Variants in DPP10 observed in about 807,000 individuals in gnomAD.
The protein encoded by DPP10 is inactive dipeptidyl peptidase 10.
Under a neutral mutation model 120.9 loss-of-function variants are expected in DPP10, and 33 were observed. The ratio of observed to expected loss-of-function variants is 0.27; its 90% CI spans 0.21 to 0.37. The LOEUF is 0.37. Among genes scored for constraint, DPP10 ranks in the 10% least tolerant of loss-of-function variants. DPP10 has a pLI of 1.00. For synonymous variants in DPP10, 337 were observed against 326.1 expected (o/e 1.03, Z -0.36); for missense variants, 816 against 942.8 (o/e 0.87, Z 1.76).
chr2:114,960,869 T>C (rs77249633), intron 1 of DPP10, among the ~76,000 whole-genome samples: 3,154 of 152,160 alleles, frequency 0.021, 119 homozygotes, highest in African/African-American at 0.072. Context: ...CTGACCAATT[T>C]GTTTTGGTGG....
chr2:114,684,514 G>A (rs560305855), intron 1 of DPP10, among the ~76,000 whole-genome samples: 1 of 152,108 alleles, frequency 6.6e-6, no homozygotes, highest in East Asian at 1.9e-4. Context: ...TGTGCTAGTA[G>A]AATGGCTGCT....
intron 1 of DPP10, among the ~76,000 whole-genome samples, chr2:115,194,246 C>T (rs796126434): frequency 1.1e-4 from 16 of 151,680 alleles, no homozygotes; most frequent in East Asian, 1.9e-4. Flanking sequence ...TTTTTTGAGA[C>T]GGAGCTTCGC....
chr2:114,664,644 A>G (rs113064218), intron 1 of DPP10, among the ~76,000 whole-genome samples: 29,200 of 147,986 alleles, frequency 0.2, 6,237 homozygotes, highest in African/African-American at 0.53. Context: ...AAAAAAAAAA[A>G]AAAAGAAAGA....
At chr2:114,945,537 G>A (rs376995480) in intron 1 of DPP10, among the ~76,000 whole-genome samples, 17 of 152,222 alleles carry the variant, frequency 1.1e-4, no homozygotes, top group African/African-American at 3.6e-4. Flanking sequence ...AGCTTCGGCC[G>A]GGCATGGTGG....
intron 3 of DPP10, among the ~76,000 whole-genome samples, chr2:115,414,405 T>C (rs1278576580): frequency 6.6e-6 from 1 of 152,180 alleles, no homozygotes; most frequent in Non-Finnish European, 1.5e-5. Context: ...CCATCATCTT[T>C]TATCTCAACA....
chr2:115,033,893 C>CTTTTTTTTTTTTTTTTTTT (rs965717193), intron 1 of DPP10, among the ~76,000 whole-genome samples: 88 of 89,858 alleles, frequency 9.8e-4, no homozygotes, highest in Non-Finnish European at 1.3e-3. Flanking sequence ...TTTTCTTTTT[C>CTTTTTTTTTTTTTTTTTTT]TTTTTTTTTT....
intron 1 of DPP10, among the ~76,000 whole-genome samples, chr2:114,996,706 G>A (rs549269674): frequency 6.6e-6 from 1 of 152,186 alleles, no homozygotes; most frequent in Non-Finnish European, 1.5e-5. Flanking sequence ...TTGATTTGCT[G>A]GGTGTGGTGG....
chr2:115,458,781 TTGAA>T (rs1302565282), intron 3 of DPP10, among the ~76,000 whole-genome samples: 2 of 152,146 alleles, frequency 1.3e-5, no homozygotes, highest in Non-Finnish European at 2.9e-5. Context: ...CATTTGTACT[TTGAA>T]TGTACAGTGT....
At chr2:115,080,311 C>A (rs1228025049) in intron 1 of DPP10, among the ~76,000 whole-genome samples, 2 of 152,172 alleles carry the variant, frequency 1.3e-5, no homozygotes, top group African/African-American at 4.8e-5. Flanking sequence ...ATCCACCGTG[C>A]CTGGCCACCC....
At chr2:114,972,120 C>T (rs563700730) in intron 1 of DPP10, among the ~76,000 whole-genome samples, 1 of 152,354 alleles carries the variant, frequency 6.6e-6, no homozygotes, top group Admixed American at 6.5e-5. Context: ...AGTTGCCAAT[C>T]ACTCTTTGGG....
chr2:115,652,407 A>ATGTG (rs1403005012), intron 5 of DPP10, among the ~76,000 whole-genome samples: 2 of 117,020 alleles, frequency 1.7e-5, no homozygotes, highest in Admixed American at 8.4e-5. Flanking sequence ...AATAGGATAT[A>ATGTG]TATGTGTGTG....
chr2:114,667,052 C>T (rs977947806), intron 1 of DPP10, among the ~76,000 whole-genome samples: 29 of 152,120 alleles, frequency 1.9e-4, no homozygotes, highest in African/African-American at 6.3e-4. Flanking sequence ...GCCTTTGTAG[C>T]GTGAGAGTAG....
At chr2:115,521,474 A>T (rs2077803083) in intron 4 of DPP10, among the ~76,000 whole-genome samples, 1 of 152,162 alleles carries the variant, frequency 6.6e-6, no homozygotes, top group African/African-American at 2.4e-5. Context: ...CTTTCCTCAA[A>T]ATATGCCTGT....
Position 115,708,091 on chromosome 2 carries a change from C to T in DPP10, c.576+18170C>T, listed in dbSNP as rs1159134206. 3.3e-5 allele frequency among the ~76,000 whole-genome samples: 5 copies of T among 151,868 alleles called. No homozygotes were observed. The South Asian group carries it at 8.3e-4, about 25-fold the overall frequency. On this transcript the variant is annotated intron_variant, in intron 7 of 25. Transcript: ENST00000410059. Reference sequence around the variant, plus strand: ...ATGGCATGAGATTCTACGTGTGTTACACGTGTCAAACATAATCAGAGACAA... The same window carrying T: ...ATGGCATGAGATTCTACGTGTGTTATACGTGTCAAACATAATCAGAGACAA...
intron 21 of DPP10, among the ~76,000 whole-genome samples, chr2:115,825,420 T>C (rs1481105437): frequency 6.6e-6 from 1 of 152,224 alleles, no homozygotes; most frequent in Non-Finnish European, 1.5e-5. Flanking sequence ...CAGTATGTAA[T>C]GTATTACATT....
At chr2:114,527,429 G>T (rs1044293355) in intron 1 of DPP10, among the ~76,000 whole-genome samples, 1 of 152,118 alleles carries the variant, frequency 6.6e-6, no homozygotes, top group Non-Finnish European at 1.5e-5. Flanking sequence ...CTGTTGTCCA[G>T]TGTGATTGGC....
At chr2:115,781,066 G>A in intron 16 of DPP10, 71 bp downstream of exon 16, 6 of 1,266,258 alleles carry the variant, frequency 4.7e-6, no homozygotes, top group Non-Finnish European at 6.4e-6. Context: ...GTTGGTATCA[G>A]CAACTATTAC....
At chr2:115,833,533 G>A (rs867339642) in intron 21 of DPP10, among the ~76,000 whole-genome samples, 4 of 152,038 alleles carry the variant, frequency 2.6e-5, no homozygotes, top group African/African-American at 9.7e-5. Context: ...CAGGTTCAAC[G>A]TACCTAATCT....
intron 1 of DPP10, among the ~76,000 whole-genome samples, chr2:115,017,762 C>T (rs566578908): frequency 1.3e-5 from 2 of 151,800 alleles, no homozygotes; most frequent in East Asian, 3.9e-4. Flanking sequence ...GGACAAAAAG[C>T]CAAACATCGC....
Sources: gnomAD v4.1 joint callset for allele counts (sites outside exome capture counted in the v4.1 genomes callset) on GRCh38, gnomAD v4.1.1 for gene constraint, MANE v1.5 for transcripts, NCBI Gene and HGNC (gene_info 2026-07-23, HGNC 2026-07-21) for gene names.